Variants in MINDY3 observed in about 807,000 individuals in gnomAD.
MINDY3 encodes MINDY lysine 48 deubiquitinase 3.
Under a neutral mutation model 69.2 loss-of-function variants are expected in MINDY3, and 38 were observed. That is an observed-to-expected ratio of 0.55 (90% confidence interval 0.42 to 0.72). The LOEUF is 0.72. MINDY3 is among the 30% of genes least tolerant of loss of function. MINDY3 has a pLI of 0.00. For synonymous variants in MINDY3, 192 were observed against 180.1 expected (o/e 1.07, Z -0.53); for missense variants, 522 against 519.0 (o/e 1.01, Z -0.06).
At chr10:15,837,631 C>T in intron 5 of MINDY3, 5 of 1,251,622 alleles carry the variant, frequency 4.0e-6, no homozygotes, top group Non-Finnish European at 5.1e-6. Context: ...ATAGAGTGGC[C>T]TTCTTGTAAG....
intron 8 of MINDY3, among the ~76,000 whole-genome samples, chr10:15,827,963 C>CT (rs1259502156): frequency 2.6e-5 from 4 of 152,170 alleles, no homozygotes; most frequent in African/African-American, 9.7e-5. Flanking sequence ...TAAGTTTATA[C>CT]TTTTACCAGT....
At chr10:15,848,575 A>G (rs965465231) in intron 1 of MINDY3, among the ~76,000 whole-genome samples, 3 of 134,872 alleles carry the variant, frequency 2.2e-5, no homozygotes, top group Non-Finnish European at 4.6e-5. Context: ...CGGAGCTTGC[A>G]CTGAGCTGAG....
At chr10:15,833,157 G>C (rs756385532) in intron 8 of MINDY3, among the ~76,000 whole-genome samples, 4 of 152,170 alleles carry the variant, frequency 2.6e-5, no homozygotes, top group Non-Finnish European at 5.9e-5. Flanking sequence ...ACCAGAAATG[G>C]AAGTGGTAGT....
intron 9 of MINDY3, among the ~76,000 whole-genome samples, chr10:15,818,713 C>T (rs1167376612): frequency 6.6e-6 from 1 of 152,040 alleles, no homozygotes; most frequent in African/African-American, 2.4e-5. Flanking sequence ...AAACACCATG[C>T]TAAGTGAAAG....
chr10:15,834,344 A>G (rs1451236615), intron 7 of MINDY3, among the ~76,000 whole-genome samples, 199 bp downstream of exon 7: 1 of 152,104 alleles, frequency 6.6e-6, no homozygotes, highest in Non-Finnish European at 1.5e-5. Flanking sequence ...TTGCCCCAAT[A>G]AATGCATACA....
intron 10 of MINDY3, among the ~76,000 whole-genome samples, chr10:15,807,029 T>C (rs1217182579): frequency 6.6e-6 from 1 of 152,260 alleles, no homozygotes; most frequent in African/African-American, 2.4e-5. Flanking sequence ...CTCACTAGTA[T>C]CTAACTTTGG....
rs907524344 is a variant in MINDY3 at position 15,796,274 on chromosome 10, G to A, written c.883-102C>T. ...AGACATAATGACATTGGAGTCAGAAGACTTTGAGTTACATTTGTATCATAG... is the reference window on the plus strand; with the variant it reads ...AGACATAATGACATTGGAGTCAGAAAACTTTGAGTTACATTTGTATCATAG... On this transcript the variant is annotated intron_variant, in intron 10 of 14. Transcript: ENST00000277632. The A allele has an allele frequency of 8.1e-6, 7 of 865,318 alleles. No individual in the cohort carries two copies. The African/African-American group carries it at 1.2e-4, about 14-fold the overall frequency. The allele number at this position is 865,318 out of a possible 1,614,324, so 53.6% of individuals were successfully genotyped here.
intron 6 of MINDY3, among the ~76,000 whole-genome samples, chr10:15,835,733 G>A (rs1198472687): frequency 6.6e-6 from 1 of 151,750 alleles, no homozygotes; most frequent in Non-Finnish European, 1.5e-5. Flanking sequence ...CACCATCACA[G>A]CTACTCCGAA....
intron 12 of MINDY3, among the ~76,000 whole-genome samples, chr10:15,787,576 A>C (rs1223538290): frequency 6.6e-6 from 1 of 152,086 alleles, no homozygotes; most frequent in Non-Finnish European, 1.5e-5. Context: ...CTTTCACAAA[A>C]GGAGTTAAAG....
intron 8 of MINDY3, among the ~76,000 whole-genome samples, chr10:15,829,291 CGG>C (rs1564505101): frequency 6.6e-6 from 1 of 152,076 alleles, no homozygotes; most frequent in African/African-American, 2.4e-5. Context: ...TTTTAACGAC[CGG>C]GAGGCAGAGC....
At chr10:15,854,239 AAAG>A (rs1208296853) in intron 1 of MINDY3, among the ~76,000 whole-genome samples, 1 of 152,132 alleles carries the variant, frequency 6.6e-6, no homozygotes, top group African/African-American at 2.4e-5. Flanking sequence ...GTGTGGTATT[AAAG>A]AAGATTATGT....
chr10:15,799,482 C>T (rs983552750), intron 10 of MINDY3, among the ~76,000 whole-genome samples: 1 of 152,094 alleles, frequency 6.6e-6, no homozygotes, highest in Non-Finnish European at 1.5e-5. Context: ...CAGGCTTGAG[C>T]CACTGCAACC....
intron 1 of MINDY3, among the ~76,000 whole-genome samples, chr10:15,848,444 C>G (rs1413351705): frequency 6.6e-6 from 1 of 151,706 alleles, no homozygotes; most frequent in Non-Finnish European, 1.5e-5. Context: ...ACCATCCTGG[C>G]TAACATGATG....
intron 11 of MINDY3, among the ~76,000 whole-genome samples, chr10:15,792,636 A>T (rs1398536372): frequency 1.3e-5 from 2 of 152,110 alleles, no homozygotes; most frequent in Non-Finnish European, 2.9e-5. Flanking sequence ...CTTAAAGATT[A>T]AAAAAATGCA....
Position 15,779,060 on chromosome 10 carries a change from A to G in MINDY3, c.1270T>C (p.Cys424Arg). The G allele has an allele frequency of 6.2e-7, 1 of 1,613,658 alleles. No homozygotes were observed. The highest frequency in any genetic ancestry group is 2.2e-5 in the East Asian group (1 of 44,846). ...ATGTATGGCCATTTGGTTTGCAGAC[A>G]GCGTTTAATAGGAGTGTCATCTGTC... is the stretch of plus-strand genomic sequence containing the variant. The part of the protein sequence containing the change: ...LQTDDTPIKR[C>R]LQTKWPYIEL... The change falls in exon 15 of 15, where the codon TGT becomes CGT. Residue 424 changes from cysteine to arginine, a missense_variant. Cys to Arg is a radical substitution (Grantham distance 180). Transcript: ENST00000277632.
Position 15,816,854 on chromosome 10 carries a change from A to T in MINDY3, c.863T>A (p.Leu288His). 1 of 1,613,214 alleles carries T rather than the reference A, an allele frequency of 6.2e-7. No individual in the cohort carries two copies. The highest frequency in any genetic ancestry group is 8.5e-7 in the Non-Finnish European group (1 of 1,179,474). ...PIWIVGSETH[L>H]TVFFAKDMAL... ...GCATACCTTGGCAAAAAATACGGTG[A>T]GGTGAGTCTCACTGCCAACAATCCA... is the stretch of plus-strand genomic sequence containing the variant. The change falls in exon 10 of 15, where the codon CTC (leucine) becomes CAC (histidine). Residue 288 changes from leucine (L) to histidine (H), a missense_variant. Physicochemically the swap from Leu to His is moderately conservative, Grantham distance 99 (BLOSUM62 -3). Transcript: ENST00000277632.
At chr10:15,813,651 G>A (rs2131964876) in intron 10 of MINDY3, among the ~76,000 whole-genome samples, 1 of 152,188 alleles carries the variant, frequency 6.6e-6, no homozygotes, top group South Asian at 2.1e-4. Flanking sequence ...CTATAATCCA[G>A]TAAAAAGCTC....
intron 8 of MINDY3, 43 bp from the exon 9 acceptor site, chr10:15,821,769 T>C (rs766981926): frequency 5.9e-6 from 9 of 1,517,228 alleles, no homozygotes; most frequent in African/African-American, 1.4e-5. Flanking sequence ...AAACTTAGCA[T>C]TGTAGTAGTG....
intron 10 of MINDY3, among the ~76,000 whole-genome samples, chr10:15,803,495 T>G (rs1009356439): frequency 2.0e-5 from 3 of 152,118 alleles, no homozygotes; most frequent in African/African-American, 7.2e-5. Flanking sequence ...AATGGTTTAG[T>G]TAGAAGGAAT....
Sources: allele counts gnomAD v4.1 joint callset (sites outside exome capture counted in the v4.1 genomes callset), GRCh38; gene constraint gnomAD v4.1.1; transcripts MANE v1.5; gene names NCBI Gene and HGNC (gene_info 2026-07-23, HGNC 2026-07-21).